FSTL5: variants seen among roughly 807,000 people sequenced by gnomAD.
FSTL5 encodes follistatin like 5, also known as follistatin-related protein 5.
FSTL5 carries 62 observed loss-of-function variants against 89.1 expected under a neutral mutation model. The ratio of observed to expected loss-of-function variants is 0.70; its 90% confidence interval spans 0.57 to 0.86. The LOEUF is 0.86. FSTL5 is among the 40% of genes least tolerant of loss of function. The pLI, the probability that FSTL5 is intolerant of heterozygous loss-of-function variation, is 0.00. For missense variants in FSTL5, 1,057 were observed against 1,001.6 expected, an observed-to-expected ratio of 1.06 and a Z score of -0.75; for synonymous variants, 383 against 346.2, an observed-to-expected ratio of 1.11 and a Z score of -1.18.
intron 8 of FSTL5, among the ~76,000 whole-genome samples, chr4:161,583,379 G>A (rs1414955606): frequency 6.6e-6 from 1 of 152,134 alleles, no homozygotes; most frequent in Non-Finnish European, 1.5e-5. Context: ...TTATGATATT[G>A]ATGACATTAT....
At chr4:161,974,610 A>G (rs1410432884) in intron 3 of FSTL5, among the ~76,000 whole-genome samples, 3 of 124,002 alleles carry the variant, frequency 2.4e-5, no homozygotes, top group Non-Finnish European at 3.3e-5. Context: ...TTCAAGATGG[A>G]TTAAAGATTT....
intron 4 of FSTL5, among the ~76,000 whole-genome samples, chr4:161,918,429 T>A (rs892240915): frequency 6.6e-5 from 10 of 152,106 alleles, no homozygotes; most frequent in African/African-American, 2.4e-4. Context: ...GATGAGAAAG[T>A]ATTTTTAAGT....
chr4:161,791,227 A>G (rs1363577735), intron 4 of FSTL5, among the ~76,000 whole-genome samples: 1 of 152,176 alleles, frequency 6.6e-6, no homozygotes, highest in Admixed American at 6.5e-5. Context: ...ATGGGAAGTG[A>G]AAAATGAAGG....
chr4:162,081,570 G>T (rs924969224), intron 2 of FSTL5, among the ~76,000 whole-genome samples: 2 of 151,542 alleles, frequency 1.3e-5, no homozygotes, highest in African/African-American at 4.8e-5. Context: ...TCATGCTTTT[G>T]CCATGGGAAT....
intron 6 of FSTL5, among the ~76,000 whole-genome samples, chr4:161,701,524 A>C (rs1356686121): frequency 6.6e-6 from 1 of 152,082 alleles, no homozygotes; most frequent in Non-Finnish European, 1.5e-5. Context: ...TAAGAATTGA[A>C]AAGAAACCAG....
At chr4:162,022,675 G>A (rs938806226) in intron 3 of FSTL5, 2 of 152,042 alleles carry the variant, frequency 1.3e-5, no homozygotes, top group African/African-American at 4.8e-5. Context: ...GTGACACAGA[G>A]CCCTTTCCCT....
intron 6 of FSTL5, among the ~76,000 whole-genome samples, chr4:161,748,528 G>A (rs1740279688): frequency 6.6e-6 from 1 of 151,108 alleles, no homozygotes; most frequent in African/African-American, 2.4e-5. Context: ...TAATCCATGT[G>A]GTATATAAGG....
At chr4:161,395,074 TA>T (rs1289044893) in intron 15 of FSTL5, among the ~76,000 whole-genome samples, 1 of 152,118 alleles carries the variant, frequency 6.6e-6, no homozygotes, top group East Asian at 1.9e-4. Flanking sequence ...GCAGGTATTC[TA>T]AAAACCTGAG....
intron 4 of FSTL5, among the ~76,000 whole-genome samples, chr4:161,844,226 C>G (rs980458729): frequency 2.0e-5 from 3 of 152,080 alleles, no homozygotes; most frequent in Non-Finnish European, 4.4e-5. Context: ...AAATGCAAAT[C>G]AAAATGTCAT....
At chr4:161,402,245 A>C (rs1456468916) in intron 15 of FSTL5, among the ~76,000 whole-genome samples, 1 of 152,206 alleles carries the variant, frequency 6.6e-6, no homozygotes, top group Non-Finnish European at 1.5e-5. Flanking sequence ...TCATTTAATA[A>C]ATTATGTGTA....
intron 6 of FSTL5, among the ~76,000 whole-genome samples, chr4:161,717,953 T>C (rs750788936): frequency 6.6e-6 from 1 of 152,198 alleles, no homozygotes; most frequent in Non-Finnish European, 1.5e-5. Flanking sequence ...ATTCATTCTG[T>C]AATATGTGCA....
At chr4:161,443,894 A>T (rs1732859665) in intron 15 of FSTL5, among the ~76,000 whole-genome samples, 1 of 151,976 alleles carries the variant, frequency 6.6e-6, no homozygotes, top group South Asian at 2.1e-4. Context: ...CAACATTAGG[A>T]TATAAGGCTG....
At chr4:161,486,185 C>T (rs1229355610) in intron 12 of FSTL5, among the ~76,000 whole-genome samples, 3 of 150,680 alleles carry the variant, frequency 2.0e-5, no homozygotes, top group South Asian at 4.2e-4. Flanking sequence ...TGGTTCTCTG[C>T]GTAATTTGGA....
At chr4:161,567,501 T>G (rs1342018463) in intron 8 of FSTL5, among the ~76,000 whole-genome samples, 2 of 152,124 alleles carry the variant, frequency 1.3e-5, no homozygotes, top group East Asian at 3.9e-4. Context: ...GGCCACCTCA[T>G]GAGCATTTTG....
chr4:161,611,167 T>C (rs1734624634), intron 7 of FSTL5, among the ~76,000 whole-genome samples: 1 of 147,312 alleles, frequency 6.8e-6, no homozygotes, highest in Non-Finnish European at 1.5e-5. Context: ...TGTATATATA[T>C]ATGTGTATAT....
intron 4 of FSTL5, among the ~76,000 whole-genome samples, chr4:161,906,214 G>A (rs28491077): frequency 4.5e-4 from 69 of 152,150 alleles, no homozygotes; most frequent in African/African-American, 1.6e-3. Context: ...CTGATATCAG[G>A]AATAATAACC....
rs909945331 is a variant in FSTL5 at position 162,080,909 on chromosome 4, A to G, written c.126+30362T>C. ...TAGTGTATTTAAATTGTTGAAGTTT[A>G]AAATTATTGCTGTGAACTAAGCATT... On this transcript the variant is annotated intron_variant, in intron 2 of 15. Coordinates refer to ENST00000306100, the MANE Select transcript of FSTL5 (RefSeq NM_020116.5). Among the ~76,000 whole-genome samples the G allele has an allele frequency of 3.3e-5, 5 of 151,692 alleles. No individual in the cohort carries two copies. The Admixed American group carries it at 3.3e-4, about 10-fold the overall frequency.
chr4:162,000,611 CA>C (rs1736436485), intron 3 of FSTL5, among the ~76,000 whole-genome samples: 2 of 148,010 alleles, frequency 1.4e-5, no homozygotes, highest in African/African-American at 5.0e-5. Flanking sequence ...AAAAAAAAAA[CA>C]AAAACAACAA....
intron 2 of FSTL5, among the ~76,000 whole-genome samples, chr4:162,034,647 G>T (rs979346862): frequency 5.3e-5 from 8 of 151,952 alleles, no homozygotes; most frequent in Non-Finnish European, 1.0e-4. Flanking sequence ...AAGTTTCAGG[G>T]TCTCACACTG....
Sources: gnomAD v4.1 joint callset for allele counts (sites outside exome capture counted in the v4.1 genomes callset) on GRCh38, gnomAD v4.1.1 for gene constraint, MANE v1.5 for transcripts, NCBI Gene and HGNC (gene_info 2026-07-23, HGNC 2026-07-21) for gene names.